ITPR1: variants seen among roughly 807,000 people sequenced by gnomAD.
ITPR1 encodes the protein inositol 1,4,5-trisphosphate receptor type 1, also known as inositol 1,4,5-trisphosphate-gated calcium channel ITPR1.
A neutral mutation model predicts 318.4 loss-of-function variants in ITPR1; 96 were observed. The ratio of observed to expected loss-of-function variants is 0.30; its 90% CI spans 0.26 to 0.36. The LOEUF (loss-of-function observed/expected upper bound fraction) is 0.36, where lower values mean the gene tolerates loss of function less well. ITPR1 is among the 10% of genes least tolerant of loss of function. ITPR1 has a pLI of 1.00. For synonymous variants in ITPR1, 1,312 were observed against 1,289.9 expected (o/e 1.02, Z -0.37); for missense variants, 2,440 against 3,460.2 (o/e 0.71, Z 7.40).
chr3:4,507,999 T>C (rs2081512877), intron 2 of ITPR1, among the ~76,000 whole-genome samples: 1 of 152,186 alleles, frequency 6.6e-6, no homozygotes, highest in African/African-American at 2.4e-5. Context: ...ATTTTCACTG[T>C]TAAGGTAATT....
At chr3:4,615,850 G>C (rs2092367563) in intron 4 of ITPR1, among the ~76,000 whole-genome samples, 1 of 152,164 alleles carries the variant, frequency 6.6e-6, no homozygotes, top group South Asian at 2.1e-4. Context: ...GCAAGCAGGA[G>C]AGGTGGTTAA....
At chr3:4,590,174 C>CTTTTTTTTTT (rs10713337) in intron 4 of ITPR1, among the ~76,000 whole-genome samples, 2 of 87,432 alleles carry the variant, frequency 2.3e-5, no homozygotes, top group Non-Finnish European at 4.3e-5. Flanking sequence ...CTTCGTCTTG[C>CTTTTTTTTTT]TTTTTTTTTT....
chr3:4,695,799 G>GT (rs1355150133), intron 33 of ITPR1, among the ~76,000 whole-genome samples: 5 of 152,140 alleles, frequency 3.3e-5, no homozygotes, highest in Non-Finnish European at 7.4e-5. Flanking sequence ...ACCATGATAG[G>GT]TTTTTCATTC....
chr3:4,524,300 CGTTTTTTTTTTTT>C (rs1559383001), intron 4 of ITPR1, among the ~76,000 whole-genome samples: 1 of 58,338 alleles, frequency 1.7e-5, no homozygotes, highest in African/African-American at 4.9e-5. Context: ...CATACTTTGA[CGTTTTTTTTTTTT>C]TTTTTTTTTT....
intron 33 of ITPR1, among the ~76,000 whole-genome samples, chr3:4,696,412 C>T (rs1047401363): frequency 1.3e-5 from 2 of 152,212 alleles, no homozygotes; most frequent in East Asian, 1.9e-4. Flanking sequence ...TTTCTCAAGG[C>T]TCACACAAGT....
At chr3:4,587,210 A>C (rs2089993363) in intron 4 of ITPR1, among the ~76,000 whole-genome samples, 1 of 143,570 alleles carries the variant, frequency 7.0e-6, no homozygotes, top group Admixed American at 6.9e-5. Flanking sequence ...CTGAGGCCCA[A>C]GGGCCTGCAT....
intron 2 of ITPR1, among the ~76,000 whole-genome samples, chr3:4,512,936 G>T (rs767133071): frequency 4.1e-5 from 4 of 97,104 alleles, no homozygotes; most frequent in Non-Finnish European, 8.4e-5. Context: ...TGTATGTCAG[G>T]CATGGCTTGT....
intron 4 of ITPR1, among the ~76,000 whole-genome samples, chr3:4,616,491 C>A (rs2686611): frequency 0.57 from 87,031 of 152,030 alleles, 25,681 homozygotes; most frequent in African/African-American, 0.69. Flanking sequence ...TTTTCAAAAA[C>A]AGGAAAAGAT....
At chr3:4,735,444 C>T (rs1193977088) in intron 44 of ITPR1, 90 bp downstream of exon 44, 1 of 1,132,056 alleles carries the variant, frequency 8.8e-7, no homozygotes, top group Non-Finnish European at 1.3e-6. Flanking sequence ...TGGTACCAAG[C>T]CTTGTTTGAG....
intron 58 of ITPR1, 73 bp downstream of exon 58, chr3:4,814,635 T>G (rs1427243970): frequency 1.5e-6 from 2 of 1,371,146 alleles, no homozygotes; most frequent in African/African-American, 2.8e-5. Flanking sequence ...CATGCAGCGG[T>G]GTTGAGTGTA....
chr3:4,820,771 T>A (rs1262768153), intron 60 of ITPR1, among the ~76,000 whole-genome samples: 1 of 152,226 alleles, frequency 6.6e-6, no homozygotes, highest in Non-Finnish European at 1.5e-5. Context: ...GGTGGTGCCT[T>A]CTCGCCTGCG....
chr3:4,827,983 T>C (rs554160932), intron 60 of ITPR1, among the ~76,000 whole-genome samples: 2 of 152,198 alleles, frequency 1.3e-5, no homozygotes, highest in Non-Finnish European at 2.9e-5. Flanking sequence ...CCATCACTTC[T>C]TTCTCGGTGT....
chr3:4,660,286 T>A (rs561864840), intron 13 of ITPR1, among the ~76,000 whole-genome samples: 4 of 152,174 alleles, frequency 2.6e-5, no homozygotes, highest in Non-Finnish European at 4.4e-5. Flanking sequence ...TGTGTCCTTG[T>A]CCCATTTTCA....
intron 55 of ITPR1, among the ~76,000 whole-genome samples, chr3:4,807,743 G>T (rs1169079523): frequency 6.6e-6 from 1 of 152,188 alleles, no homozygotes; most frequent in Admixed American, 6.5e-5. Flanking sequence ...GAGGTCTCAG[G>T]ATATCCTTGT....
intron 54 of ITPR1, among the ~76,000 whole-genome samples, chr3:4,802,179 T>A (rs1479793372): frequency 1.3e-5 from 2 of 152,216 alleles, no homozygotes; most frequent in Non-Finnish European, 2.9e-5. Flanking sequence ...TTTAATGTAC[T>A]AATATGGATT....
At chr3:4,802,751 C>T (rs577285606) in intron 54 of ITPR1, among the ~76,000 whole-genome samples, 1 of 151,864 alleles carries the variant, frequency 6.6e-6, no homozygotes, top group East Asian at 1.9e-4. Flanking sequence ...ATCTCTTGAA[C>T]CTGGGAGGCA....
At chr3:4,702,556 CCTT>C (rs896209082) in intron 35 of ITPR1, among the ~76,000 whole-genome samples, 8 of 152,164 alleles carry the variant, frequency 5.3e-5, no homozygotes, top group African/African-American at 1.9e-4. Flanking sequence ...ATCCATTGCT[CCTT>C]CTTGTGCTCA....
At chr3:4,787,902 G>T (rs1488606815) in intron 51 of ITPR1, 45 bp from the exon 52 acceptor site, 3 of 1,379,400 alleles carry the variant, frequency 2.2e-6, no homozygotes, top group South Asian at 1.3e-5. Flanking sequence ...CTTAGTAAAA[G>T]GTTTCAAAGA....
chr3:4,633,504 G>A (rs530509229), intron 5 of ITPR1, among the ~76,000 whole-genome samples: 1 of 152,158 alleles, frequency 6.6e-6, no homozygotes, highest in Non-Finnish European at 1.5e-5. Flanking sequence ...GCCATTTAAG[G>A]AATTAGTTGT....
Sources: allele counts gnomAD v4.1 joint callset (sites outside exome capture counted in the v4.1 genomes callset), GRCh38; gene constraint gnomAD v4.1.1; transcripts MANE v1.5; gene names NCBI Gene and HGNC (gene_info 2026-07-23, HGNC 2026-07-21).